Variants in KLHL28 observed in about 807,000 individuals in gnomAD.
KLHL28 encodes the protein kelch like family member 28.
Under a neutral mutation model 48.3 loss-of-function variants are expected in KLHL28, and 22 were observed. The observed-to-expected ratio is 0.46, with a 90% CI of 0.33 to 0.65. The LOEUF is 0.65. KLHL28 is among the 30% of genes least tolerant of loss of function. The pLI is 0.03. For synonymous variants in KLHL28, 243 were observed against 242.4 expected (o/e 1.00, Z -0.02); for missense variants, 527 against 704.3 (o/e 0.75, Z 2.85).
chr14:44,946,629 T>C (rs1457066861), intron 1 of KLHL28, among the ~76,000 whole-genome samples: 1 of 149,820 alleles, frequency 6.7e-6, no homozygotes, highest in Non-Finnish European at 1.5e-5. Context: ...TGATCTTGGC[T>C]CACTGCAACC....
At chr14:44,952,251 A>G (rs1303089975) in intron 1 of KLHL28, among the ~76,000 whole-genome samples, 2 of 152,190 alleles carry the variant, frequency 1.3e-5, no homozygotes, top group Non-Finnish European at 1.5e-5. Flanking sequence ...ATTTTCAAAT[A>G]TAGAGTTTTT....
In KLHL28 at chr14:44,928,851, T is replaced by C; in HGVS notation, c.*177A>G. On this transcript the variant is annotated 3_prime_UTR_variant, in exon 5 of 5. Transcript: ENST00000396128. ...TTTTGATTATTGATTTACTGTGTAA[T>C]CAAGAGCAACCAAAACTACTTCTCA... 1.9e-6 allele frequency: 1 copy of C among 518,952 alleles called. No individual in the cohort carries two copies. The highest frequency in any genetic ancestry group is 3.4e-6 in the Non-Finnish European group (1 of 293,038). 32.1% of individuals were successfully genotyped at this position (518,952 alleles called of 1,614,324 possible).
chr14:44,930,470 C>T (rs1394456176), intron 4 of KLHL28, among the ~76,000 whole-genome samples: 1 of 152,006 alleles, frequency 6.6e-6, no homozygotes, highest in Non-Finnish European at 1.5e-5. Context: ...CAACATGTTG[C>T]CCAGGCTGGT....
At chr14:44,955,875 T>C (rs551230257) in intron 1 of KLHL28, among the ~76,000 whole-genome samples, 2 of 152,266 alleles carry the variant, frequency 1.3e-5, no homozygotes, top group African/African-American at 2.4e-5. Context: ...CCAAACTAAA[T>C]AGGCTTTCAC....
chr14:44,931,427 T>C lies in KLHL28; in HGVS notation c.1458A>G (p.Gly486=). The C allele has an allele frequency of 6.2e-7, 1 of 1,614,002 alleles. No individual in the cohort carries two copies. The highest frequency in any genetic ancestry group is 1.1e-5 in the South Asian group (1 of 91,086). The change falls in exon 4 of 5, where the codon GGA becomes GGG. Residue 486 remains glycine (G), a synonymous_variant. Coordinates refer to ENST00000396128, the MANE Select transcript of KLHL28 (RefSeq NM_017658.5). ...VMLGFIFVVG[G]HNGVSHLSSI... is the part of the protein sequence containing the mutation. ...TGGACAAATGTGAGACTCCATTATGTCCACCCACCACAAAAATAAAGCCTA... is the reference window on the plus strand; with the variant it reads ...TGGACAAATGTGAGACTCCATTATGCCCACCCACCACAAAAATAAAGCCTA...
At chr14:44,930,512 C>T (rs1378376398) in intron 4 of KLHL28, among the ~76,000 whole-genome samples, 1 of 152,198 alleles carries the variant, frequency 6.6e-6, no homozygotes, top group African/African-American at 2.4e-5. Flanking sequence ...GATCCTCCCA[C>T]TTCGGCCTCC....
At chr14:44,937,157 T>C (rs997164911) in intron 2 of KLHL28, among the ~76,000 whole-genome samples, 2 of 151,296 alleles carry the variant, frequency 1.3e-5, no homozygotes, top group Non-Finnish European at 3.0e-5. Context: ...TCTTTTTTTT[T>C]TTTTTTGAGA....
chr14:44,929,009 T>A lies in KLHL28; in HGVS notation c.*19A>T. On this transcript the variant is annotated 3_prime_UTR_variant, in exon 5 of 5. Transcript: ENST00000396128. ...AGTACAAGTTTCACCACCATACTAT[T>A]TCCGAGAGTTCACATTTGTCAAAGT... 3 of 1,612,642 alleles carry A rather than the reference T, an allele frequency of 1.9e-6. No individual in the cohort carries two copies. The highest frequency in any genetic ancestry group is 2.5e-6 in the Non-Finnish European group (3 of 1,179,010).
rs761849715 is a variant in KLHL28, at chr14:44,945,571, C to G, written c.358G>C (p.Val120Leu). The G allele has an allele frequency of 6.2e-7, 1 of 1,614,152 alleles. No homozygotes were observed. Among genetic ancestry groups the G allele is most frequent in the Non-Finnish European group, 8.5e-7 (1 of 1,180,028 alleles). Reference sequence around the variant, plus strand: ...AGAAATGCACAACATTCTTTCAGGACAAGTTTTATCTGGAGTAGGTTTGCT... The same window carrying G: ...AGAAATGCACAACATTCTTTCAGGAGAAGTTTTATCTGGAGTAGGTTTGCT... ...PAANLLQIKLVLKECCAFLES... is the reference protein window; with the variant it reads ...PAANLLQIKLLLKECCAFLES... The change falls in exon 2 of 5, where the codon GTC becomes CTC. Residue 120 changes from valine to leucine, a missense_variant. Transcript: ENST00000396128.
intron 1 of KLHL28, chr14:44,960,842 C>T (rs1222704051): frequency 9.1e-7 from 1 of 1,095,774 alleles, no homozygotes; most frequent in East Asian, 2.7e-5. Flanking sequence ...GCATATGTGA[C>T]TCATTTATTC....
rs1408077528 is a variant in KLHL28, at chr14:44,928,682, A to G, written c.*346T>C. ...ATGGTTATCAGGGAAGGAGAGCTAA[A>G]ATAAAAAAAAAAAAAAAAAAAAAGC... On this transcript the variant is annotated 3_prime_UTR_variant, in exon 5 of 5. Coordinates refer to ENST00000396128, the MANE Select transcript of KLHL28 (RefSeq NM_017658.5). 6.4e-6 allele frequency: 1 copy of G among 156,418 alleles called. No homozygotes were observed. The highest frequency in any genetic ancestry group is 2.5e-5 in the African/African-American group (1 of 39,758). 9.7% of individuals were successfully genotyped at this position (156,418 alleles called of 1,614,324 possible). A position where few individuals can be genotyped will look rare whatever the true frequency, so the allele number is the denominator to read the frequency against.
intron 1 of KLHL28, chr14:44,953,647 C>G (rs892938727): frequency 6.6e-6 from 1 of 152,466 alleles, no homozygotes; most frequent in Non-Finnish European, 1.5e-5. Context: ...CCACCAGATG[C>G]AGCCCCAAGA....
chr14:44,941,595 T>C (rs1884090566), intron 2 of KLHL28, among the ~76,000 whole-genome samples: 1 of 135,514 alleles, frequency 7.4e-6, no homozygotes, highest in African/African-American at 2.9e-5. Flanking sequence ...GCCACTGCAC[T>C]CCAGCCTGGG....
chr14:44,948,462 G>A (rs1382059420), intron 1 of KLHL28, among the ~76,000 whole-genome samples: 1 of 152,056 alleles, frequency 6.6e-6, no homozygotes, highest in Non-Finnish European at 1.5e-5. Context: ...GGAATAATAG[G>A]TACCAGCCTT....
Position 44,929,943 on chromosome 14 carries a change from T to A in KLHL28, c.1553-752A>T, listed in dbSNP as rs181689486. 4.3e-3 allele frequency among the ~76,000 whole-genome samples: 656 copies of A among 152,332 alleles called. 2 individuals are homozygous for A. The highest frequency in any genetic ancestry group is 7.6e-3 in the African/African-American group (316 of 41,574). On this transcript the variant is annotated intron_variant, in intron 4 of 4. Coordinates refer to ENST00000396128, the MANE Select transcript of KLHL28 (RefSeq NM_017658.5). ...TATCTTTCCATAGGCTATTTTTTTT[T>A]AATTTCATTTCATTCTAGAAAAATC...
At chr14:44,937,585 T>C (rs1883879488) in intron 2 of KLHL28, among the ~76,000 whole-genome samples, 3 of 152,236 alleles carry the variant, frequency 2.0e-5, no homozygotes, top group Admixed American at 2.0e-4. Context: ...CTGGAGATGA[T>C]TTAGCTAAAT....
At chr14:44,958,073 T>C (rs1353970235) in intron 1 of KLHL28, among the ~76,000 whole-genome samples, 1 of 148,140 alleles carries the variant, frequency 6.8e-6, no homozygotes, top group East Asian at 1.9e-4. Context: ...ATAGTTTTTG[T>C]TCTTTTTTTT....
rs1234680997 is a variant in KLHL28, at chr14:44,945,753, T to A, written c.176A>T (p.Tyr59Phe). 7 of 1,614,078 alleles carry A rather than the reference T, an allele frequency of 4.3e-6. No individual in the cohort carries two copies. Among genetic ancestry groups the A allele is most frequent in the Non-Finnish European group, 5.9e-6 (7 of 1,180,032 alleles). ...GTTTCCAGTGAACATAGCTTTGAAA[T>A]ACGGGCTGACGCTGGCAAGTACCAC... ...HKVVLASVSP[Y>F]FKAMFTGNLS... The change falls in exon 2 of 5, where the codon TAT becomes TTT. Residue 59 changes from tyrosine to phenylalanine, a missense_variant. Transcript: ENST00000396128.
At chr14:44,958,075 C>CT (rs781136933) in intron 1 of KLHL28, among the ~76,000 whole-genome samples, 6,469 of 126,818 alleles carry the variant, frequency 0.051, 465 homozygotes, top group African/African-American at 0.17. Flanking sequence ...AGTTTTTGTT[C>CT]TTTTTTTTTT....
Sources: gnomAD v4.1 joint callset for allele counts (sites outside exome capture counted in the v4.1 genomes callset) on GRCh38, gnomAD v4.1.1 for gene constraint, MANE v1.5 for transcripts, NCBI Gene and HGNC (gene_info 2026-07-23, HGNC 2026-07-21) for gene names.